MMP2: variants seen among roughly 807,000 people sequenced by gnomAD.
MMP2 encodes the protein 72 kDa type IV collagenase.
MMP2 carries 39 observed loss-of-function variants against 74.8 expected under a neutral mutation model. The observed-to-expected ratio is 0.52, with a 90% confidence interval of 0.40 to 0.68. The LOEUF is 0.68. Among genes scored for constraint, MMP2 ranks in the 30% least tolerant of loss-of-function variants. The pLI is 0.00. For synonymous variants in MMP2, 367 were observed against 339.8 expected (o/e 1.08, Z -0.88); for missense variants, 803 against 878.3 (o/e 0.91, Z 1.08).
In MMP2 at chr16:55,505,549, T is replaced by C; in HGVS notation, c.*107T>C. ...GGCCTGGCAGCCGTGCCTTCAGCTC[T>C]ACAGCTAATCAGCATTCTCACTCCT... On this transcript the variant is annotated 3_prime_UTR_variant, in exon 13 of 13. Transcript: ENST00000219070. 1.1e-6 allele frequency: 1 copy of C among 900,766 alleles called. No homozygotes were observed. Among genetic ancestry groups the C allele is most frequent in the Admixed American group, 1.8e-5 (1 of 55,458 alleles). The allele number at this position is 900,766 out of a possible 1,614,324, so 55.8% of individuals were successfully genotyped here. A position where few individuals can be genotyped will look rare whatever the true frequency, so the allele number is the denominator to read the frequency against.
chr16:55,485,856 C>A, intron 5 of MMP2, 79 bp downstream of exon 5: 1 of 1,479,074 alleles, frequency 6.8e-7, no homozygotes. Flanking sequence ...CTCTTCCCTC[C>A]ACACTCTCCA....
At chr16:55,485,509 A>C (rs1962222183) in intron 4 of MMP2, 82 bp downstream of exon 4, 8 of 1,612,102 alleles carry the variant, frequency 5.0e-6, no homozygotes, top group Non-Finnish European at 6.8e-6. Flanking sequence ...GAGAGGTGGG[A>C]GGGGAGGAAA....
At position 55,479,520 on chromosome 16, in the gene MMP2, T is replaced by C. The variant is rs1417381110; in HGVS notation, c.41T>C (p.Leu14Pro). The C allele has an allele frequency of 6.9e-6, 11 of 1,605,012 alleles. No homozygotes were observed. Among genetic ancestry groups the C allele is most frequent in the Non-Finnish European group, 9.3e-6 (11 of 1,176,498 alleles). Residue 14 changes from leucine to proline, a missense_variant, in exon 1 of 13, where the codon CTG (leucine) becomes CCG (proline). Leu to Pro is a moderately conservative substitution (Grantham distance 98, BLOSUM62 -3). Around this residue, in one of 3 missense-constraint regions of MMP2, gnomAD observed 223 missense variants for 232.8 expected, o/e 0.96. Coordinates refer to ENST00000219070, the MANE Select transcript of MMP2 (RefSeq NM_004530.6). ...GCCCGGGGCGCGCTCACGGGTCCCC[T>C]GAGGGCGCTCTGTCTCCTGGGCTGC... ...LMARGALTGP[L>P]RALCLLGCLL...
chr16:55,498,207 C>G (rs990585012), intron 10 of MMP2, 82 bp from the exon 11 acceptor site: 15 of 1,569,516 alleles, frequency 9.6e-6, no homozygotes, highest in Non-Finnish European at 1.3e-5. Flanking sequence ...CAGTGGGGCC[C>G]GTGGACAGAC....
intron 1 of MMP2, chr16:55,481,588 C>T (rs931045104): frequency 4.8e-6 from 2 of 417,732 alleles, no homozygotes; most frequent in Non-Finnish European, 8.5e-6. Context: ...GAATGAAGCA[C>T]AGCAGGTCTC....
intron 11 of MMP2, 116 bp from the exon 12 acceptor site, chr16:55,502,663 T>C: frequency 2.3e-6 from 2 of 868,754 alleles, no homozygotes; most frequent in East Asian, 2.6e-5. Context: ...CCTGAAGGGC[T>C]AGGTCCAGTT....
intron 9 of MMP2, 101 bp from the exon 10 acceptor site, chr16:55,496,825 A>C: frequency 2.0e-6 from 3 of 1,509,304 alleles, no homozygotes; most frequent in Non-Finnish European, 2.7e-6. Flanking sequence ...CCATCATGGA[A>C]TCATCTCTGG....
At chr16:55,498,696 C>T (rs1364217854) in intron 11 of MMP2, among the ~76,000 whole-genome samples, 2 of 152,162 alleles carry the variant, frequency 1.3e-5, no homozygotes, top group African/African-American at 4.8e-5. Flanking sequence ...TTTGATTGGC[C>T]CATGTCTGGT....
chr16:55,482,038 C>G, intron 1 of MMP2, among the ~76,000 whole-genome samples: 1 of 152,190 alleles, frequency 6.6e-6, no homozygotes, highest in Non-Finnish European at 1.5e-5. Context: ...TCACATACTT[C>G]ATTTTGTTTT....
chr16:55,481,515 GA>G, intron 1 of MMP2: 1 of 256,146 alleles, frequency 3.9e-6, no homozygotes, highest in Non-Finnish European at 7.4e-6. Flanking sequence ...TGTATATGGT[GA>G]AATCAGTCCT....
At chr16:55,488,819 G>A (rs1962328326) in intron 6 of MMP2, 103 bp downstream of exon 6, 1 of 1,249,148 alleles carries the variant, frequency 8.0e-7, no homozygotes. Context: ...CCCAAGACAG[G>A]GGTGCTAAGA....
intron 12 of MMP2, 46 bp from the exon 13 acceptor site, chr16:55,505,293 G>C (rs1320559810): frequency 1.3e-6 from 2 of 1,510,646 alleles, no homozygotes; most frequent in Non-Finnish European, 1.8e-6. Context: ...CTGTGTGCCA[G>C]AATGTCAGGA....
At chr16:55,504,641 A>G (rs1399244421) in intron 12 of MMP2, among the ~76,000 whole-genome samples, 1 of 143,030 alleles carries the variant, frequency 7.0e-6, no homozygotes, top group African/African-American at 2.6e-5. Context: ...GCTCAGATTG[A>G]AACAATTGAA....
At chr16:55,496,809 C>T in intron 9 of MMP2, 117 bp from the exon 10 acceptor site, 1 of 1,390,552 alleles carries the variant, frequency 7.2e-7, no homozygotes, top group South Asian at 1.2e-5. Context: ...ATCCTGCCTC[C>T]CACTCCCATC....
At chr16:55,487,486 T>C (rs1284729976) in intron 5 of MMP2, 1 of 152,312 alleles carries the variant, frequency 6.6e-6, no homozygotes, top group Non-Finnish European at 1.5e-5. Flanking sequence ...GTTTCTGGCA[T>C]TGCAGGACAA....
chr16:55,488,719 G>A lies in MMP2; in HGVS notation c.1006+3G>A. 1 of 1,591,906 alleles carries A rather than the reference G, an allele frequency of 6.3e-7. No individual in the cohort carries two copies. The highest frequency in any genetic ancestry group is 1.1e-5 in the South Asian group (1 of 88,050). On this transcript the variant is annotated splice_donor_region_variant and intron_variant, in intron 6 of 12. Transcript: ENST00000219070. Reference sequence around the variant, plus strand: ...GTATGGCTTCTGCCCTGAGACCGGTGGGTGCCACTCCCTCTCCCTCCCTCA... The same window carrying A: ...GTATGGCTTCTGCCCTGAGACCGGTAGGTGCCACTCCCTCTCCCTCCCTCA...
intron 5 of MMP2, 32 bp from the exon 6 acceptor site, chr16:55,488,511 T>C (rs1962313996): frequency 6.2e-7 from 1 of 1,606,232 alleles, no homozygotes; most frequent in East Asian, 2.2e-5. Context: ...GCATGTCTCA[T>C]TCACATCCTT....
chr16:55,489,780 C>A lies in MMP2; in HGVS notation c.1136C>A (p.Ala379Asp). Residue 379 changes from alanine to aspartate, a missense_variant, in exon 7 of 13, where the codon GCC becomes GAC. Ala to Asp is a moderately radical substitution (Grantham distance 126, BLOSUM62 -2). Transcript: ENST00000219070. Reference protein sequence around the residue: ...SDGKMWCATTANYDDDRKWGF... With the variant: ...SDGKMWCATTDNYDDDRKWGF... ...GGAAAGATGTGGTGTGCGACCACAG[C>A]CAACTACGATGATGACCGCAAGTGG... 6.2e-7 allele frequency: 1 copy of A among 1,614,160 alleles called. No individual in the cohort carries two copies.
chr16:55,500,175 C>A (rs1962629938), intron 11 of MMP2, among the ~76,000 whole-genome samples: 1 of 152,130 alleles, frequency 6.6e-6, no homozygotes, highest in Non-Finnish European at 1.5e-5. Context: ...GGCAGGAAAC[C>A]ACAGAGCAGG....
Sources: allele counts gnomAD v4.1 joint callset (sites outside exome capture counted in the v4.1 genomes callset), GRCh38; gene constraint gnomAD v4.1.1; regional missense constraint gnomAD v4.1.1; transcripts MANE v1.5; gene names NCBI Gene and HGNC (gene_info 2026-07-23, HGNC 2026-07-21).